Variants in ACACB observed in about 807,000 individuals in gnomAD.
ACACB encodes acetyl-CoA carboxylase 2.
ACACB carries 209 observed loss-of-function variants against 278.8 expected under a neutral mutation model. That is an observed-to-expected ratio of 0.75 (90% confidence interval 0.67 to 0.84). The LOEUF (loss-of-function observed/expected upper bound fraction) is 0.84, where lower values mean the gene tolerates loss of function less well. Ranked by LOEUF, ACACB falls within the 40% of genes least tolerant of loss-of-function variation. The probability of loss-of-function intolerance (pLI) is 0.00; values close to 1 mark genes in which losing one functional copy is unlikely to be tolerated. For synonymous variants in ACACB, 1,174 were observed against 1,285.6 expected (o/e 0.91, Z 1.86); for missense variants, 2,850 against 3,269.0 (o/e 0.87, Z 3.13).
Position 109,209,257 on chromosome 12 carries a change from C to G in ACACB, c.3153C>G (p.Gly1051=). ...ELQEIMTSVA[G]RIPAPVEKSV... Reference sequence around the variant, plus strand: ...AGGAGATCATGACCAGCGTGGCAGGCCGCATCCCCGCCCCTGTGGAGAAGT... The same window carrying G: ...AGGAGATCATGACCAGCGTGGCAGGGCGCATCCCCGCCCCTGTGGAGAAGT... The change falls in exon 21 of 53, where the codon GGC becomes GGG. Residue 1051 remains glycine, a synonymous_variant. Transcript: ENST00000338432. The G allele has an allele frequency of 2.5e-6, 4 of 1,611,608 alleles. No individual in the cohort carries two copies. The highest frequency in any genetic ancestry group is 3.4e-6 in the Non-Finnish European group (4 of 1,179,658).
chr12:109,197,091 G>A lies in ACACB; in HGVS notation c.2565G>A (p.Gly855=), dbSNP rs371416936. ...IEIDAHRLND[G]GLLLSYNGNS... ...TTGATGCCCACCGGCTGAATGATGG[G>A]GGGCTCCTGCTCTCCTACAATGGGA... Residue 855 remains glycine (G), a synonymous_variant, in exon 17 of 53, where the codon GGG becomes GGA. Coordinates refer to ENST00000338432, the MANE Select transcript of ACACB (RefSeq NM_001093.4). The A allele has an allele frequency of 7.5e-6, 12 of 1,601,604 alleles. No individual in the cohort carries two copies. Among genetic ancestry groups the A allele is most frequent in the African/African-American group, 1.4e-5 (1 of 74,030 alleles).
chr12:109,183,609 T>A (rs2044553826), intron 11 of ACACB, among the ~76,000 whole-genome samples: 1 of 152,210 alleles, frequency 6.6e-6, no homozygotes, highest in African/African-American at 2.4e-5. Flanking sequence ...ATAGAAATGC[T>A]ACTGATTTTT....
intron 2 of ACACB, among the ~76,000 whole-genome samples, chr12:109,151,541 T>C (rs1053470223): frequency 6.6e-6 from 1 of 152,140 alleles, no homozygotes; most frequent in Non-Finnish European, 1.5e-5. Context: ...ATGTGGATAA[T>C]TTTATAGTTG....
rs751539713 is a variant in ACACB, at chr12:109,139,876, C to T, written c.471C>T (p.Ile157=). 1.2e-6 allele frequency: 2 copies of T among 1,614,188 alleles called. No individual in the cohort carries two copies. The highest frequency in any genetic ancestry group is 4.5e-5 in the East Asian group (2 of 44,882). ...PSKEDKKQAN[I]KRQLMTNFIL... ...AAGAAGACAAGAAGCAGGCAAACAT[C>T]AAGAGGCAGCTGATGACCAACTTCA... The change falls in exon 2 of 53, where the codon ATC becomes ATT. Residue 157 remains isoleucine, a synonymous_variant. Transcript: ENST00000338432.
intron 27 of ACACB, among the ~76,000 whole-genome samples, chr12:109,224,194 A>C (rs1356997198): frequency 1.3e-5 from 2 of 152,070 alleles, no homozygotes; most frequent in Non-Finnish European, 2.9e-5. Context: ...GTCTCATGTC[A>C]TTCCAGCCTC....
At chr12:109,151,166 A>T (rs1285641015) in intron 2 of ACACB, among the ~76,000 whole-genome samples, 1 of 151,478 alleles carries the variant, frequency 6.6e-6, no homozygotes, top group Non-Finnish European at 1.5e-5. Flanking sequence ...TGTATTTTTA[A>T]TAGAGACAGG....
intron 1 of ACACB, among the ~76,000 whole-genome samples, chr12:109,124,869 C>T (rs769317320): frequency 3.5e-4 from 53 of 152,158 alleles, no homozygotes; most frequent in Non-Finnish European, 6.8e-4. Flanking sequence ...CGCTCGCCAC[C>T]ATGCCTGGCT....
chr12:109,188,985 A>T (rs953406017), intron 13 of ACACB, among the ~76,000 whole-genome samples: 1 of 152,166 alleles, frequency 6.6e-6, no homozygotes, highest in Non-Finnish European at 1.5e-5. Context: ...GAGGCCTGTG[A>T]CAGCAGCCCC....
intron 15 of ACACB, among the ~76,000 whole-genome samples, chr12:109,192,689 A>G (rs1207745654): frequency 6.6e-6 from 1 of 152,060 alleles, no homozygotes; most frequent in Non-Finnish European, 1.5e-5. Context: ...TTGCTCTGTC[A>G]TCCAGGCTAT....
chr12:109,138,634 G>A (rs185371713), intron 1 of ACACB, among the ~76,000 whole-genome samples: 1 of 152,046 alleles, frequency 6.6e-6, no homozygotes, highest in Non-Finnish European at 1.5e-5. Context: ...TAGCACTTTG[G>A]GAAGCCAAGG....
At chr12:109,131,397 A>G (rs1202859643) in intron 1 of ACACB, 2 of 152,530 alleles carry the variant, frequency 1.3e-5, no homozygotes, top group Non-Finnish European at 2.9e-5. Context: ...TCACTCAAGA[A>G]TGGAGCTGGT....
intron 15 of ACACB, among the ~76,000 whole-genome samples, chr12:109,192,243 T>G (rs1383198296): frequency 6.6e-6 from 1 of 152,124 alleles, no homozygotes; most frequent in African/African-American, 2.4e-5. Context: ...AGTTCTGAGT[T>G]CAAGGAGGTG....
At position 109,208,011 on chromosome 12, in the gene ACACB, A is replaced by G. The variant is rs117960705; in HGVS notation, c.3061-1154A>G. Among the ~76,000 whole-genome samples the G allele has an allele frequency of 8.5e-3, 1,288 of 152,022 alleles. 2 individuals are homozygous for G. Among genetic ancestry groups the G allele is most frequent in the Non-Finnish European group, 0.012 (830 of 67,980 alleles). On this transcript the variant is annotated intron_variant, in intron 20 of 52. Coordinates refer to ENST00000338432, the MANE Select transcript of ACACB (RefSeq NM_001093.4). ...CTTCTAACTACTTAAAAGTTCAATC[A>G]TTTCATCCTCCCAGCAACCGATAAG...
chr12:109,167,623 A>ATATATATATG (rs2043957640), intron 3 of ACACB, among the ~76,000 whole-genome samples: 1 of 106,816 alleles, frequency 9.4e-6, no homozygotes, highest in African/African-American at 3.8e-5. Flanking sequence ...ATGTATGTGT[A>ATATATATATG]TATATATATA....
intron 28 of ACACB, among the ~76,000 whole-genome samples, chr12:109,230,501 C>G (rs182941842): frequency 2.0e-5 from 3 of 152,012 alleles, no homozygotes; most frequent in Admixed American, 6.5e-5. Context: ...TAGCTCACTA[C>G]AGCCTTGAAC....
rs183843471 is a variant in ACACB, at chr12:109,140,169, A to G, written c.653+111A>G. On this transcript the variant is annotated intron_variant, in intron 2 of 52. Coordinates refer to ENST00000338432, the MANE Select transcript of ACACB (RefSeq NM_001093.4). ...AGCTGTTTGCTGATGCCAAAGCTTC[A>G]AGGGTGGCTATGCACAAAAGGAGAA... 3.8e-4 allele frequency: 449 copies of G among 1,188,228 alleles called. 4 individuals carry two copies. The highest frequency in any genetic ancestry group is 3.1e-5 in the Admixed American group (1 of 32,632). 73.6% of individuals were successfully genotyped at this position (1,188,228 alleles called of 1,614,324 possible).
At chr12:109,209,828 T>G (rs1366193937) in intron 21 of ACACB, among the ~76,000 whole-genome samples, 1 of 147,030 alleles carries the variant, frequency 6.8e-6, no homozygotes, top group Non-Finnish European at 1.5e-5. Context: ...TATGCATATA[T>G]ATACACATAC....
chr12:109,168,155 G>C, intron 4 of ACACB, 121 bp downstream of exon 4: 2 of 1,057,678 alleles, frequency 1.9e-6, no homozygotes, highest in South Asian at 1.8e-5. Flanking sequence ...TCATGAGTCT[G>C]TATTTATTTG....
intron 48 of ACACB, 105 bp from the exon 49 acceptor site, chr12:109,262,252 C>A: frequency 1.2e-6 from 1 of 836,308 alleles, no homozygotes; most frequent in Non-Finnish European, 1.9e-6. Flanking sequence ...AGGACTGACA[C>A]CCAGATCTTC....
Sources: allele counts gnomAD v4.1 joint callset (sites outside exome capture counted in the v4.1 genomes callset), GRCh38; gene constraint gnomAD v4.1.1; transcripts MANE v1.5; gene names NCBI Gene and HGNC (gene_info 2026-07-23, HGNC 2026-07-21).